CNTNAP2: variants seen among roughly 807,000 people sequenced by gnomAD.
The protein encoded by CNTNAP2 is contactin associated protein 2, also known as contactin-associated protein-like 2.
A neutral mutation model predicts 155.2 loss-of-function variants in CNTNAP2; 98 were observed. That is an observed-to-expected ratio of 0.63 (90% CI 0.54 to 0.75). CNTNAP2 has a LOEUF of 0.75. Ranked by LOEUF, CNTNAP2 falls within the 30% of genes least tolerant of loss-of-function variation. The pLI is 0.00. For missense variants in CNTNAP2, 1,727 were observed against 1,688.1 expected, an observed-to-expected ratio of 1.02 and a Z score of -0.40; for synonymous variants, 651 against 631.2, an observed-to-expected ratio of 1.03 and a Z score of -0.47.
In CNTNAP2 at chr7:147,807,855, TA is replaced by T. The variant is rs1178810826; in HGVS notation, c.2099-95706del. ...TTTGAGTTAAGCATTAAATCATGAA[TA>T]AAAGATAGTTTGGGTTGCCAGATAT... On this transcript the variant is annotated intron_variant, in intron 13 of 23. Transcript: ENST00000361727. Among the ~76,000 whole-genome samples the T allele has an allele frequency of 1.8e-4, 28 of 152,178 alleles. 1 individual carries two copies. Among genetic ancestry groups the T allele is most frequent in the Non-Finnish European group, 1.5e-5 (1 of 68,034 alleles).
At chr7:148,006,499 A>G (rs972393629) in intron 15 of CNTNAP2, among the ~76,000 whole-genome samples, 1 of 151,582 alleles carries the variant, frequency 6.6e-6, no homozygotes, top group Admixed American at 6.6e-5. Context: ...TTGTATTTTT[A>G]GTGGAGACAG....
chr7:146,404,120 G>T, intron 1 of CNTNAP2, among the ~76,000 whole-genome samples: 1 of 42,978 alleles, frequency 2.3e-5, no homozygotes, highest in South Asian at 3.9e-4. Flanking sequence ...GCGAGACTCC[G>T]TCTCAAAAAA....
intron 1 of CNTNAP2, among the ~76,000 whole-genome samples, chr7:146,691,746 C>T (rs928925415): frequency 3.9e-5 from 6 of 152,104 alleles, no homozygotes; most frequent in African/African-American, 1.4e-4. Flanking sequence ...CGAAACTCTC[C>T]TCCCCCTTTT....
At chr7:147,309,964 T>G (rs1563155200) in intron 9 of CNTNAP2, among the ~76,000 whole-genome samples, 1 of 152,040 alleles carries the variant, frequency 6.6e-6, no homozygotes, top group East Asian at 1.9e-4. Flanking sequence ...ACTTTCAGGC[T>G]TTTTTTATTT....
At chr7:146,794,587 A>G (rs1458429221) in intron 2 of CNTNAP2, among the ~76,000 whole-genome samples, 1 of 152,196 alleles carries the variant, frequency 6.6e-6, no homozygotes, top group East Asian at 1.9e-4. Context: ...ATGATTTTGC[A>G]GAGGTAGAAA....
At chr7:147,106,576 C>G (rs1800770595) in intron 4 of CNTNAP2, among the ~76,000 whole-genome samples, 1 of 152,008 alleles carries the variant, frequency 6.6e-6, no homozygotes, top group African/African-American at 2.4e-5. Flanking sequence ...AGTTTAAGGT[C>G]ATATTTTTTC....
At chr7:148,086,653 A>C (rs1453768628) in intron 15 of CNTNAP2, among the ~76,000 whole-genome samples, 1 of 152,160 alleles carries the variant, frequency 6.6e-6, no homozygotes, top group Non-Finnish European at 1.5e-5. Flanking sequence ...TTATATTCTT[A>C]ACATATCAGC....
chr7:148,243,930 C>T (rs184322738), intron 20 of CNTNAP2, among the ~76,000 whole-genome samples: 1 of 152,162 alleles, frequency 6.6e-6, no homozygotes, highest in African/African-American at 2.4e-5. Flanking sequence ...TGCGCCAGCA[C>T]AGTATTTTAG....
At chr7:147,017,174 A>T (rs1449435393) in intron 3 of CNTNAP2, among the ~76,000 whole-genome samples, 3 of 150,664 alleles carry the variant, frequency 2.0e-5, no homozygotes, top group Non-Finnish European at 3.0e-5. Context: ...GTCATATTTT[A>T]TTTTTTTTCT....
At chr7:146,160,785 T>C (rs1798208868) in intron 1 of CNTNAP2, among the ~76,000 whole-genome samples, 1 of 152,190 alleles carries the variant, frequency 6.6e-6, no homozygotes, top group Non-Finnish European at 1.5e-5. Context: ...AAAGAGGATC[T>C]GGTACCATTC....
chr7:146,476,144 G>A (rs1029926316), intron 1 of CNTNAP2, among the ~76,000 whole-genome samples: 1 of 152,068 alleles, frequency 6.6e-6, no homozygotes, highest in Non-Finnish European at 1.5e-5. Flanking sequence ...TTCAGATACA[G>A]TAAAATATCA....
intron 1 of CNTNAP2, among the ~76,000 whole-genome samples, chr7:146,332,062 C>T (rs756223158): frequency 1.3e-4 from 19 of 151,730 alleles, no homozygotes; most frequent in Non-Finnish European, 2.8e-4. Flanking sequence ...CATATGTGTG[C>T]ATGTCTATGT....
chr7:147,087,657 A>C (rs1046445432), intron 4 of CNTNAP2, among the ~76,000 whole-genome samples: 1 of 152,122 alleles, frequency 6.6e-6, no homozygotes, highest in Non-Finnish European at 1.5e-5. Flanking sequence ...GCTCCTAACA[A>C]TGGTTGCTTC....
intron 1 of CNTNAP2, among the ~76,000 whole-genome samples, chr7:146,553,924 C>A (rs1035642145): frequency 1.1e-4 from 16 of 152,062 alleles, no homozygotes; most frequent in African/African-American, 3.9e-4. Context: ...GTGATTTTTT[C>A]TTTTTTACTG....
chr7:147,801,332 T>TA (rs1429552045), intron 13 of CNTNAP2, among the ~76,000 whole-genome samples: 43 of 150,556 alleles, frequency 2.9e-4, no homozygotes, highest in African/African-American at 8.1e-4. Context: ...TTTTAATTTT[T>TA]TTTTTTTTTT....
intron 1 of CNTNAP2, among the ~76,000 whole-genome samples, chr7:146,649,537 C>A (rs1799870347): frequency 6.6e-6 from 1 of 152,062 alleles, no homozygotes; most frequent in South Asian, 2.1e-4. Context: ...TGTGATTTTT[C>A]CCCTCAGTGG....
At chr7:148,258,663 T>C (rs1474135264) in intron 20 of CNTNAP2, among the ~76,000 whole-genome samples, 2 of 152,184 alleles carry the variant, frequency 1.3e-5, no homozygotes, top group African/African-American at 2.4e-5. Context: ...TTGTTTCTCC[T>C]ACCTGAAGTC....
intron 1 of CNTNAP2, among the ~76,000 whole-genome samples, chr7:146,128,438 G>C (rs1476952784): frequency 2.0e-5 from 3 of 152,120 alleles, no homozygotes; most frequent in Non-Finnish European, 4.4e-5. Context: ...ATTCCAGCCA[G>C]TAGTTCTAGT....
intron 1 of CNTNAP2, among the ~76,000 whole-genome samples, chr7:146,381,168 T>C (rs1234511065): frequency 1.3e-5 from 2 of 152,180 alleles, no homozygotes; most frequent in East Asian, 3.9e-4. Context: ...CCATGAGATA[T>C]CAGCGAACAT....
Sources: allele counts gnomAD v4.1 joint callset (sites outside exome capture counted in the v4.1 genomes callset), GRCh38; gene constraint gnomAD v4.1.1; transcripts MANE v1.5; gene names NCBI Gene and HGNC (gene_info 2026-07-23, HGNC 2026-07-21).